The following MAP3K15 variants were observed in gnomAD, a reference collection of about 807,000 sequenced individuals.
The protein encoded by MAP3K15 is mitogen-activated protein kinase kinase kinase 15, also known as MAPK/ERK kinase kinase 15.
MAP3K15 carries 124 observed loss-of-function variants against 99.5 expected under a neutral mutation model. The observed-to-expected ratio is 1.25, with a 90% CI of 1.08 to 1.45. The LOEUF is 1.45. Among genes scored for constraint, MAP3K15 ranks in the 40% most tolerant of loss-of-function variants. MAP3K15 has a pLI of 0.00. For synonymous variants in MAP3K15, 494 were observed against 439.6 expected (o/e 1.12, Z -1.55); for missense variants, 1,242 against 1,079.7 (o/e 1.15, Z -2.11).
At chrX:19,400,699 C>G (rs759171150) in intron 13 of MAP3K15, 36 bp from the exon 14 acceptor site, 25 of 939,085 alleles carry the variant, frequency 2.7e-5, no homozygotes, top group Middle Eastern at 2.7e-4. Flanking sequence ...GTTGCCAACT[C>G]AGAACTGCTC....
intron 22 of MAP3K15, among the ~76,000 whole-genome samples, chrX:19,371,994 G>A (rs1265598677): frequency 1.8e-5 from 2 of 109,962 alleles, no homozygotes; most frequent in Non-Finnish European, 3.8e-5. Flanking sequence ...TTAGCTGGGT[G>A]TGGTGGCAGG....
At chrX:19,413,694 A>C (rs1171139977) in intron 10 of MAP3K15, among the ~76,000 whole-genome samples, 1 of 66,005 alleles carries the variant, frequency 1.5e-5, no homozygotes, top group African/African-American at 6.9e-5. Flanking sequence ...GGGGGTGGGG[A>C]AGATGAAAGG....
intron 2 of MAP3K15, among the ~76,000 whole-genome samples, chrX:19,487,202 G>T (rs1342092084): frequency 3.6e-5 from 4 of 110,123 alleles, no homozygotes; most frequent in Non-Finnish European, 5.7e-5. Flanking sequence ...TATATTCTCA[G>T]ATTTTTATTT....
At chrX:19,494,956 C>T (rs2064390935) in intron 1 of MAP3K15, among the ~76,000 whole-genome samples, 1 of 109,206 alleles carries the variant, frequency 9.2e-6, no homozygotes, top group Non-Finnish European at 1.9e-5. Context: ...CTTACTTATC[C>T]ACTGCTGCTT....
intron 11 of MAP3K15, 61 bp downstream of exon 11, chrX:19,413,296 C>A: frequency 5.8e-6 from 5 of 866,155 alleles, no homozygotes; most frequent in Non-Finnish European, 8.2e-6. Context: ...CCTTCAAATA[C>A]TACCATCTAG....
chrX:19,451,315 AG>A (rs1363406290), intron 6 of MAP3K15, among the ~76,000 whole-genome samples: 1 of 105,116 alleles, frequency 9.5e-6, no homozygotes, highest in African/African-American at 3.4e-5. Context: ...CAGATAAATG[AG>A]ACATCAAACT....
At chrX:19,367,693 T>C (rs1329571708) in intron 25 of MAP3K15, among the ~76,000 whole-genome samples, 1 of 99,023 alleles carries the variant, frequency 1.0e-5, no homozygotes, top group African/African-American at 3.7e-5. Context: ...TCATTTGGAA[T>C]GAGTACCAAC....
At position 19,425,528 on chromosome X, in the gene MAP3K15, C is replaced by T; in HGVS notation, c.1439+3G>A. Reference sequence around the variant, plus strand: ...GTGATGACAACACACAGACACAACTCACCAGACTGGAGGTTTCAGTTTGAA... The same window carrying T: ...GTGATGACAACACACAGACACAACTTACCAGACTGGAGGTTTCAGTTTGAA... On this transcript the variant is annotated splice_donor_region_variant and intron_variant, in intron 9 of 28. Transcript: ENST00000338883. 1 of 1,193,976 alleles carries T rather than the reference C, an allele frequency of 8.4e-7. No homozygotes were observed. The highest frequency in any genetic ancestry group is 1.1e-6 in the Non-Finnish European group (1 of 891,886).
At position 19,360,320 on chromosome X, in the gene MAP3K15, C is replaced by T. The variant is rs2063267334; in HGVS notation, c.*429G>A. Reference sequence around the variant, plus strand: ...TCCCAGCTTCCATGTTTGTTAAATACCCCTTGTTTGTTTCACCATTCCAGC... The same window carrying T: ...TCCCAGCTTCCATGTTTGTTAAATATCCCTTGTTTGTTTCACCATTCCAGC... On this transcript the variant is annotated 3_prime_UTR_variant, in exon 29 of 29. Coordinates refer to ENST00000338883, the MANE Select transcript of MAP3K15 (RefSeq NM_001001671.4). 1 of 144,332 alleles carries T rather than the reference C, an allele frequency of 6.9e-6. No homozygotes were observed. Among genetic ancestry groups the T allele is most frequent in the South Asian group, 1.7e-4 (1 of 5,798 alleles). 11.9% of individuals were successfully genotyped at this position (144,332 alleles called of 1,213,427 possible).
intron 19 of MAP3K15, among the ~76,000 whole-genome samples, chrX:19,377,488 G>A (rs1377595122): frequency 1.8e-5 from 2 of 111,088 alleles, no homozygotes; most frequent in Non-Finnish European, 3.8e-5. Context: ...AGGCTGCAGT[G>A]AGCCAAGATT....
chrX:19,476,952 G>A lies in MAP3K15; in HGVS notation c.525+9530C>T, dbSNP rs142165911. Among the ~76,000 whole-genome samples the A allele has an allele frequency of 6.2e-3, 690 of 111,174 alleles. 4 individuals are homozygous for A. The highest frequency in any genetic ancestry group is 0.021 in the African/African-American group (630 of 30,634). On this transcript the variant is annotated intron_variant, in intron 3 of 28. Coordinates refer to ENST00000338883, the MANE Select transcript of MAP3K15 (RefSeq NM_001001671.4). ...AACCAACTGGCCTACAGATGACCACGGAGCCAGATAATCTCAGGCCCTACC... is the reference window on the plus strand; with the variant it reads ...AACCAACTGGCCTACAGATGACCACAGAGCCAGATAATCTCAGGCCCTACC...
intron 4 of MAP3K15, 22 bp downstream of exon 4, chrX:19,464,191 A>G (rs1409130916): frequency 1.7e-6 from 2 of 1,169,637 alleles, no homozygotes; most frequent in East Asian, 3.0e-5. Context: ...TCCAGGGGTT[A>G]CTGGTGGCAG....
chrX:19,468,267 G>T (rs186901234), intron 3 of MAP3K15, among the ~76,000 whole-genome samples: 19 of 112,140 alleles, frequency 1.7e-4, no homozygotes, highest in African/African-American at 6.1e-4. Flanking sequence ...AGAGAGAAAT[G>T]GGAAAGAGAC....
At chrX:19,404,202 T>C (rs1160331415) in intron 13 of MAP3K15, among the ~76,000 whole-genome samples, 1 of 112,214 alleles carries the variant, frequency 8.9e-6, no homozygotes, top group Non-Finnish European at 1.9e-5. Flanking sequence ...AACTCAAGTG[T>C]ATTTCTAATA....
chrX:19,369,324 G>T, intron 24 of MAP3K15, 105 bp from the exon 25 acceptor site: 1 of 902,101 alleles, frequency 1.1e-6, no homozygotes, highest in Non-Finnish European at 1.6e-6. Flanking sequence ...AGCTGGCCCA[G>T]CCCGTGCCAT....
chrX:19,395,173 T>C lies in MAP3K15; in HGVS notation c.2102A>G (p.His701Arg). 1 of 1,208,877 alleles carries C rather than the reference T, an allele frequency of 8.3e-7. No homozygotes were observed. The highest frequency in any genetic ancestry group is 1.1e-6 in the Non-Finnish European group (1 of 893,759). Residue 701 changes from histidine to arginine, a missense_variant, in exon 16 of 29, where the codon CAC becomes CGC. By Grantham distance (29) the His-to-Arg change is conservative. Transcript: ENST00000338883. ...GATATTGCGGTGCTTAAGGTACTTG[T>C]GCAGGGCTATCTCCTCGTGCAGAGG... ...SQPLHEEIAL[H>R]KYLKHRNIVQ... is the part of the protein sequence containing the mutation.
intron 6 of MAP3K15, among the ~76,000 whole-genome samples, chrX:19,436,133 A>G (rs1401060661): frequency 9.5e-6 from 1 of 104,978 alleles, no homozygotes; most frequent in Non-Finnish European, 1.9e-5. Flanking sequence ...CAGTCTGGGC[A>G]ACAAGAGGGA....
At position 19,474,873 on chromosome X, in the gene MAP3K15, T is replaced by C. The variant is rs75024841; in HGVS notation, c.526-10467A>G. On this transcript the variant is annotated intron_variant, in intron 3 of 28. Transcript: ENST00000338883. ...TAACTTTAAAATATTTTGATAACTG[T>C]ATTTTGATATGAAGGGTCTCCTTTG... 3.6e-5 allele frequency among the ~76,000 whole-genome samples: 4 copies of C among 111,098 alleles called. No homozygotes were observed. In the East Asian group the frequency reaches 8.4e-4, roughly 23 times the overall value.
chrX:19,420,230 A>C (rs1726534243), intron 9 of MAP3K15, among the ~76,000 whole-genome samples: 1 of 111,690 alleles, frequency 9.0e-6, no homozygotes, highest in Admixed American at 9.6e-5. Flanking sequence ...AAACCCTTCA[A>C]AAAAATCAAT....
Sources: gnomAD v4.1 joint callset for allele counts (sites outside exome capture counted in the v4.1 genomes callset) on GRCh38, gnomAD v4.1.1 for gene constraint, MANE v1.5 for transcripts, NCBI Gene and HGNC (gene_info 2026-07-23, HGNC 2026-07-21) for gene names.